The following PP2D1 variants were observed in gnomAD, a reference collection of about 807,000 sequenced individuals.
PP2D1 encodes the protein protein phosphatase 2C-like domain-containing protein 1.
A neutral mutation model predicts 30.2 loss-of-function variants in PP2D1; 25 were observed. The observed-to-expected ratio is 0.83, with a 90% CI of 0.60 to 1.16. PP2D1 has a LOEUF of 1.16. Ranked by LOEUF, PP2D1 falls within the 50% of genes most tolerant of loss-of-function variation. The pLI is 0.00. For missense variants in PP2D1, 760 were observed against 742.4 expected (o/e 1.02, Z -0.28); for synonymous variants, 260 against 258.9 (o/e 1.00, Z -0.04).
chr3:20,010,807 T>C (rs952525107), intron 1 of PP2D1, among the ~76,000 whole-genome samples: 1 of 151,608 alleles, frequency 6.6e-6, no homozygotes, highest in African/African-American at 2.4e-5. Context: ...CATCTCAGAA[T>C]AAATGAATAA....
downstream of PP2D1, chr3:19,984,445 A>C (rs935290463): frequency 2.2e-5 from 5 of 228,456 alleles, no homozygotes; most frequent in African/African-American, 9.5e-5. Flanking sequence ...TAAAAATCAA[A>C]TGCAACCCCA....
intron 1 of PP2D1, among the ~76,000 whole-genome samples, chr3:20,003,825 CT>C (rs1385989543): frequency 1.3e-5 from 2 of 151,732 alleles, no homozygotes; most frequent in African/African-American, 2.4e-5. Flanking sequence ...AAAAAAGCCC[CT>C]AGAATAAGGA....
chr3:20,012,057 C>T lies in PP2D1; in HGVS notation c.16G>A (p.Ala6Thr), dbSNP rs781220590. The change falls in exon 1 of 3, where the codon GCT becomes ACT. Residue 6 changes from alanine to threonine, a missense_variant. Coordinates refer to ENST00000389050, the MANE Select transcript of PP2D1 (RefSeq NM_001252657.2). The stretch of plus-strand genomic sequence containing the variant: ...AGATTTAAGAAAGTTTACCTTAAAG[C>T]ATTATTGGTGCTCATGTTCCTTTGG... MSTNN[A>T]LRVFWKSREW... The T allele has an allele frequency of 6.6e-5, 101 of 1,531,270 alleles. No individual in the cohort carries two copies. Among genetic ancestry groups the T allele is most frequent in the Non-Finnish European group, 8.4e-5 (96 of 1,143,618 alleles). 94.9% of individuals were successfully genotyped at this position (1,531,270 alleles called of 1,614,324 possible). A position where few individuals can be genotyped will look rare whatever the true frequency, so the allele number is the denominator to read the frequency against.
rs926322900 is a variant in PP2D1, at chr3:19,985,829, A to G, written c.1444T>C (p.Cys482Arg). The change falls in exon 3 of 3, where the codon TGT becomes CGT. Residue 482 changes from cysteine (C) to arginine (R), a missense_variant. Around this residue, in one of 3 missense-constraint regions of PP2D1, gnomAD observed 369 missense variants for 316.2 expected, o/e 1.17. Transcript: ENST00000389050. ...GGTGATTTGTTAGGTATGATAGGAC[A>G]GTATGTTTCTTTATACATGTGAAAT... ...TTFHMYKETY[C>R]PIIPNKSPSK... 10 of 1,536,076 alleles carry G rather than the reference A, an allele frequency of 6.5e-6. No individual in the cohort carries two copies. The highest frequency in any genetic ancestry group is 7.8e-6 in the Non-Finnish European group (9 of 1,146,900).
At chr3:19,991,661 G>T (rs1697121256) in intron 2 of PP2D1, among the ~76,000 whole-genome samples, 2 of 152,066 alleles carry the variant, frequency 1.3e-5, no homozygotes, top group Admixed American at 6.6e-5. Context: ...GCCTTCATTA[G>T]GTCACTTTAT....
chr3:20,005,967 C>T (rs1432091574), intron 1 of PP2D1, among the ~76,000 whole-genome samples: 1 of 151,848 alleles, frequency 6.6e-6, no homozygotes, highest in Non-Finnish European at 1.5e-5. Context: ...TCTTTTCTGG[C>T]CCTGTGCAGT....
intron 1 of PP2D1, among the ~76,000 whole-genome samples, chr3:20,011,804 A>T (rs1697391210): frequency 9.9e-6 from 1 of 100,960 alleles, no homozygotes; most frequent in East Asian, 1.9e-4. Flanking sequence ...GTCTCAAAAT[A>T]AATAAATAAA....
chr3:19,995,325 A>G (rs1697167809), intron 2 of PP2D1, among the ~76,000 whole-genome samples: 1 of 152,204 alleles, frequency 6.6e-6, no homozygotes, highest in African/African-American at 2.4e-5. Context: ...TAAGAGATAC[A>G]CAGAGTAGAG....
At chr3:20,006,447 C>CA in intron 1 of PP2D1, among the ~76,000 whole-genome samples, 1 of 152,128 alleles carries the variant, frequency 6.6e-6, no homozygotes, top group South Asian at 2.1e-4. Context: ...TGCATGGATA[C>CA]AAAAATCTAA....
chr3:19,988,701 C>T (rs930629224), intron 2 of PP2D1, among the ~76,000 whole-genome samples: 9 of 152,110 alleles, frequency 5.9e-5, no homozygotes, highest in Admixed American at 2.0e-4. Flanking sequence ...AACCTGCTGA[C>T]GTGTGATGTC....
In PP2D1 at chr3:20,001,668, T is replaced by C. The variant is rs971406001; in HGVS notation, c.452A>G (p.Asp151Gly). The change falls in exon 2 of 3, where the codon GAT becomes GGT. Residue 151 changes from aspartate to glycine, a missense_variant. Physicochemically the swap from Asp to Gly is moderately conservative, Grantham distance 94. Transcript: ENST00000389050. The stretch of plus-strand genomic sequence containing the variant: ...ATATATGACACTCCTGTCAATGTTA[T>C]CAAAAATCTTATAGTATGCTGGTAT... ...KQIPAYYKIF[D>G]NIDRSVIYSQ... is the part of the protein sequence containing the mutation. 1 of 1,535,990 alleles carries C rather than the reference T, an allele frequency of 6.5e-7. No homozygotes were observed. The highest frequency in any genetic ancestry group is 8.7e-7 in the Non-Finnish European group (1 of 1,146,840).
At chr3:20,003,902 G>T (rs1432921782) in intron 1 of PP2D1, among the ~76,000 whole-genome samples, 3 of 152,012 alleles carry the variant, frequency 2.0e-5, no homozygotes, top group Non-Finnish European at 4.4e-5. Context: ...TGTTACAAAA[G>T]AATCAAAAAG....
intron 2 of PP2D1, among the ~76,000 whole-genome samples, chr3:19,991,509 A>G (rs1230663492): frequency 6.6e-6 from 1 of 152,220 alleles, no homozygotes; most frequent in African/African-American, 2.4e-5. Context: ...TGATGGGTGA[A>G]GCAGGAAAAA....
In PP2D1 at chr3:19,985,951, A is replaced by G; in HGVS notation, c.1322T>C (p.Val441Ala). The G allele has an allele frequency of 6.5e-7, 1 of 1,536,320 alleles. No homozygotes were observed. The highest frequency in any genetic ancestry group is 8.7e-7 in the Non-Finnish European group (1 of 1,146,938). Residue 441 changes from valine (V) to alanine (A), a missense_variant, in exon 3 of 3, where the codon GTC becomes GCC. Val to Ala is a moderately conservative substitution (Grantham distance 64, BLOSUM62 0). This residue lies in a region of PP2D1 where 369 missense variants were observed against 316.2 expected (regional missense o/e 1.17). Coordinates refer to ENST00000389050, the MANE Select transcript of PP2D1 (RefSeq NM_001252657.2). ...GAATTGACATAGGTCATCTATAGGG[A>G]CAGAAATAGTTTGAGGTGCTGGGAT... ...SIIPAPQTIS[V>A]PIDDLCQFLI... is the part of the protein sequence containing the mutation.
intron 2 of PP2D1, 67 bp downstream of exon 2, chr3:20,000,962 CA>C: frequency 1.2e-6 from 1 of 840,416 alleles, no homozygotes; most frequent in Non-Finnish European, 1.6e-6. Flanking sequence ...ATTGTGGAAG[CA>C]TGAGGGGTTT....
At chr3:19,998,241 A>G (rs1697206897) in intron 2 of PP2D1, among the ~76,000 whole-genome samples, 1 of 152,100 alleles carries the variant, frequency 6.6e-6, no homozygotes, top group South Asian at 2.1e-4. Context: ...GAGGCAGGAG[A>G]ATGGCTTAAA....
downstream of PP2D1, chr3:19,984,236 T>A: frequency 2.4e-6 from 1 of 421,716 alleles, no homozygotes; most frequent in South Asian, 1.7e-5. Context: ...AGAAGGAGAT[T>A]CTAAAGTTAT....
chr3:19,982,944 A>C (rs1403143455), downstream of PP2D1, among the ~76,000 whole-genome samples: 1 of 152,166 alleles, frequency 6.6e-6, no homozygotes, highest in African/African-American at 2.4e-5. Flanking sequence ...TGTTCTAAAA[A>C]ATGTTTGTGG....
chr3:20,002,131 A>T, intron 1 of PP2D1, 35 bp from the exon 2 acceptor site: 3 of 1,376,604 alleles, frequency 2.2e-6, no homozygotes, highest in Non-Finnish European at 3.0e-6. Flanking sequence ...ACATGCCAGG[A>T]TGATGCAGCG....
Sources: gnomAD v4.1 joint callset for allele counts (sites outside exome capture counted in the v4.1 genomes callset) on GRCh38, gnomAD v4.1.1 for gene constraint, gnomAD v4.1.1 regional missense constraint, MANE v1.5 for transcripts, NCBI Gene and HGNC (gene_info 2026-07-23, HGNC 2026-07-21) for gene names.